SRGAP2: variants seen among roughly 807,000 people sequenced by gnomAD.
The protein encoded by SRGAP2 is SLIT-ROBO Rho GTPase activating protein 2.
SRGAP2 carries 15 observed loss-of-function variants against 57.2 expected under a neutral mutation model. The observed-to-expected ratio is 0.26, with a 90% CI of 0.18 to 0.40. SRGAP2 has a LOEUF of 0.40. Among genes scored for constraint, SRGAP2 ranks in the 10% least tolerant of loss-of-function variants. The pLI is 1.00. For synonymous variants in SRGAP2, 249 were observed against 248.0 expected (o/e 1.00, Z -0.04); for missense variants, 520 against 669.6 (o/e 0.78, Z 2.47).
At chr1:206,311,255 G>GAA (rs1553324046) in intron 3 of SRGAP2, among the ~76,000 whole-genome samples, 43 of 152,112 alleles carry the variant, frequency 2.8e-4, no homozygotes, top group African/African-American at 1.0e-3. Context: ...AAATATTGGG[G>GAA]GACAATCAGC....
At chr1:206,364,251 C>T (rs1279929558) in intron 4 of SRGAP2, among the ~76,000 whole-genome samples, 15 of 148,152 alleles carry the variant, frequency 1.0e-4, no homozygotes, top group Non-Finnish European at 4.5e-5. Flanking sequence ...GGAAATATCA[C>T]ATTTTTTATA....
intron 10 of SRGAP2, among the ~76,000 whole-genome samples, chr1:206,412,968 A>G (rs1342334788): frequency 6.6e-6 from 1 of 152,360 alleles, no homozygotes; most frequent in South Asian, 2.1e-4. Flanking sequence ...ACCTTGACAC[A>G]GTTATGATCC....
At chr1:206,440,515 A>T (rs1002313813) in intron 17 of SRGAP2, among the ~76,000 whole-genome samples, 30 of 151,710 alleles carry the variant, frequency 2.0e-4, no homozygotes. Context: ...GGTAATAGCG[A>T]GTTTGGATTT....
chr1:206,286,538 G>T (rs1194842374), intron 2 of SRGAP2, among the ~76,000 whole-genome samples: 1 of 148,496 alleles, frequency 6.7e-6, no homozygotes. Context: ...GGATCAGCAG[G>T]GAACAAAGTG....
rs370029434 is a variant in SRGAP2, at chr1:206,454,874, C to T, written c.2361-4C>T. ...TCCCTGCCTGCCTGCCCCTTCTCCC[C>T]CAGCGAGGACGGTGTCGTGGAGAGG... On this transcript the variant is annotated splice_region_variant and splice_polypyrimidine_tract_variant and intron_variant, in intron 20 of 22. Transcript: ENST00000573034. This position sits in a 1 kb window ranked among gnomAD's most constrained non-coding sequence, Gnocchi z 4.3. 2.7e-6 allele frequency: 2 copies of T among 753,738 alleles called. No homozygotes were observed. Among genetic ancestry groups the T allele is most frequent in the East Asian group, 4.9e-5 (2 of 40,916 alleles). The allele number at this position is 753,738 out of a possible 1,614,324, so 46.7% of individuals were successfully genotyped here. A position where few individuals can be genotyped will look rare whatever the true frequency, so the allele number is the denominator to read the frequency against.
intron 2 of SRGAP2, among the ~76,000 whole-genome samples, chr1:206,290,628 C>T (rs1405171948): frequency 9.9e-5 from 11 of 110,952 alleles, no homozygotes; most frequent in East Asian, 7.4e-4. Context: ...GGCAACAGAG[C>T]GAGACTCCAT....
At chr1:206,335,641 A>G (rs1399513197) in intron 3 of SRGAP2, among the ~76,000 whole-genome samples, 3 of 151,902 alleles carry the variant, frequency 2.0e-5, no homozygotes, top group African/African-American at 7.3e-5. Flanking sequence ...TATTTGTTAA[A>G]TGAATGAATG....
intron 2 of SRGAP2, among the ~76,000 whole-genome samples, chr1:206,239,706 C>T (rs1668091327): frequency 6.6e-6 from 1 of 150,680 alleles, no homozygotes; most frequent in Non-Finnish European, 1.5e-5. Context: ...GATCTGACTG[C>T]CTCAGCCTCC....
At chr1:206,389,976 G>A (rs1241372001) in intron 5 of SRGAP2, among the ~76,000 whole-genome samples, 9 of 150,942 alleles carry the variant, frequency 6.0e-5, no homozygotes, top group African/African-American at 1.9e-4. Flanking sequence ...ATTTACATAT[G>A]TATATGTACA....
chr1:206,433,544 G>A (rs944049213), intron 14 of SRGAP2, among the ~76,000 whole-genome samples: 10 of 151,888 alleles, frequency 6.6e-5, no homozygotes, highest in Admixed American at 2.0e-4. Context: ...GGGAGGCTGA[G>A]GCACAAGAAT....
intron 2 of SRGAP2, among the ~76,000 whole-genome samples, chr1:206,267,055 G>A (rs1380196416): frequency 3.9e-4 from 55 of 142,502 alleles, no homozygotes; most frequent in Non-Finnish European, 1.3e-4. Context: ...TGCAAGCTCC[G>A]CCTCCCGGGT....
At position 206,450,375 on chromosome 1, in the gene SRGAP2, T is replaced by C. The variant is rs782415301; in HGVS notation, c.2100-11T>C. The C allele has an allele frequency of 1.0e-5, 8 of 780,598 alleles. No homozygotes were observed. The highest frequency in any genetic ancestry group is 5.1e-5 in the Admixed American group (3 of 58,974). The allele number at this position is 780,598 out of a possible 1,614,324, so 48.4% of individuals were successfully genotyped here. ...ATGTTAATGTCCCTGTCACTCTTGCTTCTGTTGCAGTGATAGCCCTCATGG... is the reference window on the plus strand; with the variant it reads ...ATGTTAATGTCCCTGTCACTCTTGCCTCTGTTGCAGTGATAGCCCTCATGG... On this transcript the variant is annotated splice_polypyrimidine_tract_variant and intron_variant, in intron 18 of 22. Coordinates refer to ENST00000573034, the MANE Select transcript of SRGAP2 (RefSeq NM_015326.5).
At chr1:206,424,277 T>C (rs1660603539) in intron 13 of SRGAP2, among the ~76,000 whole-genome samples, 3 of 151,622 alleles carry the variant, frequency 2.0e-5, no homozygotes, top group South Asian at 4.1e-4. Context: ...AATAAAAAAG[T>C]GTATGAAGGA....
At position 206,454,845 on chromosome 1, in the gene SRGAP2, C is replaced by G. The variant is rs782520947; in HGVS notation, c.2361-33C>G. On this transcript the variant is annotated intron_variant, in intron 20 of 22. Transcript: ENST00000573034. This position sits in a 1 kb window ranked among gnomAD's most constrained non-coding sequence, Gnocchi z 4.3. ...GCTTTTTGTGTTGTTGTTGTTTTCC[C>G]TCCTCCCTGCCTGCCTGCCCCTTCT... The G allele has an allele frequency of 1.4e-6, 1 of 724,346 alleles. No individual in the cohort carries two copies. The highest frequency in any genetic ancestry group is 2.6e-6 in the Non-Finnish European group (1 of 391,032). 44.9% of individuals were successfully genotyped at this position (724,346 alleles called of 1,614,324 possible).
At chr1:206,448,433 T>C (rs1662956928) in intron 18 of SRGAP2, among the ~76,000 whole-genome samples, 1 of 152,010 alleles carries the variant, frequency 6.6e-6, no homozygotes, top group Non-Finnish European at 1.5e-5. Context: ...AGGCTGGGGA[T>C]GGAGTGTGTT....
rs782344684 is a variant in SRGAP2, at chr1:206,450,393, C to G, written c.2107C>G (p.Pro703Ala). 1.0e-5 allele frequency: 8 copies of G among 780,696 alleles called. No homozygotes were observed. Among genetic ancestry groups the G allele is most frequent in the Admixed American group, 1.7e-5 (1 of 59,002 alleles). 48.4% of individuals were successfully genotyped at this position (780,696 alleles called of 1,614,324 possible). Residue 703 changes from proline to alanine, a missense_variant, in exon 19 of 23, where the codon CCT becomes GCT. Pro to Ala is a conservative substitution (Grantham distance 27). This residue lies in a region of SRGAP2 where 478 missense variants were observed against 373.6 expected (regional missense o/e 1.28). Transcript: ENST00000573034. ...GGSMEDYCDS[P>A]HGETTSVEDS... ...CTCTTGCTTCTGTTGCAGTGATAGC[C>G]CTCATGGAGAGACTACCTCGGTTGA...
chr1:206,333,352 A>G, intron 3 of SRGAP2: 3 of 1,331,530 alleles, frequency 2.3e-6, no homozygotes, highest in East Asian at 2.3e-5. Flanking sequence ...CTTGAAGCAG[A>G]CAATCCAAGC....
At chr1:206,244,709 G>GA (rs1174590029) in intron 2 of SRGAP2, among the ~76,000 whole-genome samples, 4 of 151,842 alleles carry the variant, frequency 2.6e-5, no homozygotes, top group African/African-American at 9.7e-5. Context: ...CTCTAAATGG[G>GA]AAAAAAAATT....
intron 17 of SRGAP2, among the ~76,000 whole-genome samples, chr1:206,445,198 A>G (rs1284173920): frequency 2.0e-5 from 3 of 152,178 alleles, no homozygotes; most frequent in African/African-American, 7.2e-5. Context: ...TTGGGGAGGT[A>G]TCCAGAGCTG....
Sources: gnomAD v4.1 joint callset for allele counts (sites outside exome capture counted in the v4.1 genomes callset) on GRCh38, gnomAD v4.1.1 for gene constraint, gnomAD v4.1.1 regional missense constraint, Gnocchi (gnomAD v3.1) non-coding constraint, MANE v1.5 for transcripts, NCBI Gene and HGNC (gene_info 2026-07-23, HGNC 2026-07-21) for gene names.